The following SLC39A4 variants were observed in gnomAD, a reference collection of about 807,000 sequenced individuals.
SLC39A4 encodes zinc transporter ZIP4.
In SLC39A4, 49 loss-of-function variants were observed where a neutral mutation model predicts 56.6. The observed-to-expected ratio is 0.87, with a 90% confidence interval of 0.69 to 1.10. The LOEUF (loss-of-function observed/expected upper bound fraction) is 1.10. Ranked by LOEUF, SLC39A4 falls within the 50% of genes least tolerant of loss-of-function variation. The pLI is 0.00. For missense variants in SLC39A4, 993 were observed against 864.2 expected, an observed-to-expected ratio of 1.15 and a Z score of -1.87; for synonymous variants, 540 against 420.4, an observed-to-expected ratio of 1.28 and a Z score of -3.48.
chr8:144,415,161 C>G (rs1029585897), intron 3 of SLC39A4, 51 bp from the exon 4 acceptor site: 2 of 1,612,652 alleles, frequency 1.2e-6, no homozygotes, highest in South Asian at 1.1e-5. Context: ...TCCGGCCCTG[C>G]CCCCCAGGGA....
chr8:144,413,549 C>G lies in SLC39A4; in HGVS notation c.1438G>C (p.Glu480Gln). ...RADLVAEESPELLNPEPRRLS... is the reference protein window; with the variant it reads ...RADLVAEESPQLLNPEPRRLS... ...CTCCTGGGCTCAGGGTTCAGCAGCT[C>G]CGGGCTCTCCTCCGCCACCTGGGAG... The change falls in exon 9 of 12, where the codon GAG becomes CAG. Residue 480 changes from glutamate to glutamine, a missense_variant. Glu to Gln is a conservative substitution (Grantham distance 29). Coordinates refer to ENST00000301305, the MANE Select transcript of SLC39A4 (RefSeq NM_130849.4). 3 of 1,554,742 alleles carry G rather than the reference C, an allele frequency of 1.9e-6. No homozygotes were observed. Among genetic ancestry groups the G allele is most frequent in the Non-Finnish European group, 2.6e-6 (3 of 1,149,238 alleles).
At chr8:144,415,568 C>T in intron 2 of SLC39A4, 149 bp from the exon 3 acceptor site, 2 of 1,162,414 alleles carry the variant, frequency 1.7e-6, no homozygotes, top group Non-Finnish European at 1.2e-6. Flanking sequence ...CTGCCGGGCC[C>T]AGCTGCTTCA....
In SLC39A4 at chr8:144,414,023, C is replaced by T. The variant is rs913476570; in HGVS notation, c.1222G>A (p.Ala408Thr). The T allele has an allele frequency of 1.3e-6, 2 of 1,595,340 alleles. No homozygotes were observed. The change falls in exon 7 of 12, where the codon GCC becomes ACC. Residue 408 changes from alanine (A) to threonine (T), a missense_variant. By Grantham distance (58) the Ala-to-Thr change is moderately conservative. Transcript: ENST00000301305. Reference sequence around the variant, plus strand: ...AACAGGAAGAAGGCGTAGAGCCCGGCCAGCATAGCCAGGAGGCGCCAGGTG... The same window carrying T: ...AACAGGAAGAAGGCGTAGAGCCCGGTCAGCATAGCCAGGAGGCGCCAGGTG... ...QPTWRLLAML[A>T]GLYAFFLFEN...
chr8:144,413,655 G>A (rs1822007646), intron 8 of SLC39A4, 88 bp from the exon 9 acceptor site: 1 of 1,544,304 alleles, frequency 6.5e-7, no homozygotes, highest in African/African-American at 1.4e-5. Flanking sequence ...GCGGGAGGCG[G>A]AGCCGCAGGC....
Position 144,415,799 on chromosome 8 carries a change from C to G in SLC39A4, c.474+11G>C. On this transcript the variant is annotated intron_variant, in intron 2 of 11. Coordinates refer to ENST00000301305, the MANE Select transcript of SLC39A4 (RefSeq NM_130849.4). ...CACCCACTCCCCTGGTCTGCCTGGA[C>G]TCTCCCTCACCATCTTGGGGGTCTG... 6.3e-7 allele frequency: 1 copy of G among 1,591,814 alleles called. No homozygotes were observed. The highest frequency in any genetic ancestry group is 8.5e-7 in the Non-Finnish European group (1 of 1,174,896).
Position 144,413,778 on chromosome 8 carries a change from G to C in SLC39A4, c.1391C>G (p.Pro464Arg). ...GTCTGCGCGGGAGCCCTCGTGGGGGGGCTTGGGCTGCCGGAGCTCGCTGGG... is the reference window on the plus strand; with the variant it reads ...GTCTGCGCGGGAGCCCTCGTGGGGGCGCTTGGGCTGCCGGAGCTCGCTGGG... Reference protein sequence around the residue: ...LAPSELRQPKPPHEGSRADLV... With the variant: ...LAPSELRQPKRPHEGSRADLV... The change falls in exon 8 of 12, where the codon CCC (proline) becomes CGC (arginine). Residue 464 changes from proline to arginine, a missense_variant. By Grantham distance (103) the Pro-to-Arg change is moderately radical. Transcript: ENST00000301305. 6.5e-7 allele frequency: 1 copy of C among 1,545,982 alleles called. No homozygotes were observed. The highest frequency in any genetic ancestry group is 1.2e-5 in the South Asian group (1 of 84,758).
Position 144,414,497 on chromosome 8 carries a change from G to A in SLC39A4, c.977-63C>T, listed in dbSNP as rs187041698. ...CAGACTCAGCCCCTGCTTCCCGGGC[G>A]CTGCTCACCAGAGCTGCAGGCCGTC... On this transcript the variant is annotated intron_variant, in intron 5 of 11. Transcript: ENST00000301305. 456 of 1,546,540 alleles carry A rather than the reference G, an allele frequency of 2.9e-4. 1 individual carries two copies. Among genetic ancestry groups the A allele is most frequent in the Middle Eastern group, 4.5e-4 (2 of 4,438 alleles).
Position 144,414,323 on chromosome 8 carries a change from G to T in SLC39A4, c.1088C>A (p.Thr363Asn), listed in dbSNP as rs1237448973. The T allele has an allele frequency of 2.5e-6, 4 of 1,603,400 alleles. No homozygotes were observed. Among genetic ancestry groups the T allele is most frequent in the Admixed American group, 3.5e-5 (2 of 57,722 alleles). ...TGCACCCACTGCCAGGCTCAGGAAG[G>T]TCTGCAGGATGTAGTGGGTGACCCC... ...CRGVTHYILQTFLSLAVGAVT... is the reference protein window; with the variant it reads ...CRGVTHYILQNFLSLAVGAVT... Residue 363 changes from threonine (T) to asparagine (N), a missense_variant, in exon 6 of 12, where the codon ACC becomes AAC. Thr to Asn is a moderately conservative substitution (Grantham distance 65). Transcript: ENST00000301305.
chr8:144,413,687 G>A (rs1822008876), intron 8 of SLC39A4, 63 bp downstream of exon 8: 2 of 1,537,598 alleles, frequency 1.3e-6, no homozygotes, highest in East Asian at 2.4e-5. Context: ...CTGGGAGTGT[G>A]GGCGTGGGAA....
At position 144,414,260 on chromosome 8, in the gene SLC39A4, A is replaced by G. The variant is rs1255730342; in HGVS notation, c.1149+2T>C. On this transcript the variant is annotated splice_donor_variant, in intron 6 of 11. Coordinates refer to ENST00000301305, the MANE Select transcript of SLC39A4 (RefSeq NM_130849.4). LOFTEE classifies it high-confidence loss of function. Reference sequence around the variant, plus strand: ...CAGGGTCGCGGGTTTGTGGGGGCAGACCTTGGGCGTCAGATGCAGGACAGC... The same window carrying G: ...CAGGGTCGCGGGTTTGTGGGGGCAGGCCTTGGGCGTCAGATGCAGGACAGC... The G allele has an allele frequency of 3.1e-6, 5 of 1,607,858 alleles. No individual in the cohort carries two copies. Among genetic ancestry groups the G allele is most frequent in the Non-Finnish European group, 3.4e-6 (4 of 1,178,488 alleles).
At position 144,416,355 on chromosome 8, in the gene SLC39A4, G is replaced by GC; in HGVS notation, c.192+242dup. 2.7e-6 allele frequency: 4 copies of GC among 1,461,140 alleles called. No homozygotes were observed. The South Asian group carries it at 5.6e-5, about 20-fold the overall frequency. 90.5% of individuals were successfully genotyped at this position (1,461,140 alleles called of 1,614,324 possible). On this transcript the variant is annotated intron_variant, in intron 1 of 11. Coordinates refer to ENST00000301305, the MANE Select transcript of SLC39A4 (RefSeq NM_130849.4). ...GCCACTGCCAATTTGATGGCAGAGGGCCGGCAGGGGGAGTTGGCCCTGGGG... is the reference window on the plus strand; with the variant it reads ...GCCACTGCCAATTTGATGGCAGAGGGCCCGGCAGGGGGAGTTGGCCCTGGGG...
At chr8:144,415,151 TC>T in intron 3 of SLC39A4, 41 bp from the exon 4 acceptor site, 1 of 1,612,654 alleles carries the variant, frequency 6.2e-7, no homozygotes, top group Non-Finnish European at 8.5e-7. Flanking sequence ...CTGTGTGGGC[TC>T]CGGCCCTGCC....
chr8:144,416,429 A>C, intron 1 of SLC39A4, 169 bp downstream of exon 1: 2 of 1,448,474 alleles, frequency 1.4e-6, no homozygotes. Context: ...GTCTGCCCTC[A>C]TGAGCAGGAG....
intron 5 of SLC39A4, 57 bp from the exon 6 acceptor site, chr8:144,414,491 C>T: frequency 6.5e-7 from 1 of 1,547,520 alleles, no homozygotes. Flanking sequence ...CCCCTGCTTC[C>T]CGGGCGCTGC....
chr8:144,413,330 C>A lies in SLC39A4; in HGVS notation c.1534G>T (p.Gly512Trp), dbSNP rs782004000. 4 of 1,605,808 alleles carry A rather than the reference C, an allele frequency of 2.5e-6. No homozygotes were observed. The highest frequency in any genetic ancestry group is 3.4e-6 in the Non-Finnish European group (4 of 1,179,170). The change falls in exon 10 of 12, where the codon GGG becomes TGG. Residue 512 changes from glycine (G) to tryptophan (W), a missense_variant. Transcript: ENST00000301305. ...GCGAAGGCGGCGCCCACGGCCAGCC[C>A]GTCGGCGAAGTTGTGCACGGCGTCG... is the stretch of plus-strand genomic sequence containing the variant. ...LGDAVHNFAD[G>W]LAVGAAFASS...
chr8:144,413,638 G>T, intron 8 of SLC39A4, 71 bp from the exon 9 acceptor site: 1 of 1,546,408 alleles, frequency 6.5e-7, no homozygotes. Context: ...CGGGGCCCCA[G>T]ATCACCGCGG....
intron 1 of SLC39A4, 121 bp from the exon 2 acceptor site, chr8:144,416,212 C>T: frequency 5.7e-6 from 9 of 1,590,466 alleles, no homozygotes; most frequent in Non-Finnish European, 6.8e-6. Flanking sequence ...CCACCATCCT[C>T]TCTCAACCCC....
chr8:144,415,200 C>T (rs782426012), intron 3 of SLC39A4, 27 bp downstream of exon 3: 8 of 1,612,618 alleles, frequency 5.0e-6, no homozygotes, highest in Non-Finnish European at 6.8e-6. Context: ...GGGGGTGCCC[C>T]CCTCCACAGC....
Position 144,415,381 on chromosome 8 carries a change from C to T in SLC39A4, c.513G>A (p.Val171=), listed in dbSNP as rs1554873628. 2.5e-6 allele frequency: 4 copies of T among 1,608,298 alleles called. No homozygotes were observed. The highest frequency in any genetic ancestry group is 3.4e-6 in the Non-Finnish European group (4 of 1,178,054). ...VDIPQLLEEA[V]GAGAPGSAGG... ...CAGCACTGCCCGGAGCCCCCGCCCC[C>T]ACCGCCTCCTCCAGCAGCTGAGGGA... Residue 171 remains valine (V), a synonymous_variant, in exon 3 of 12, where the codon GTG becomes GTA. Coordinates refer to ENST00000301305, the MANE Select transcript of SLC39A4 (RefSeq NM_130849.4).
Sources: allele counts gnomAD v4.1 joint callset, GRCh38; gene constraint gnomAD v4.1.1; transcripts MANE v1.5; gene names NCBI Gene and HGNC (gene_info 2026-07-23, HGNC 2026-07-21).